INTU: variants seen among roughly 807,000 people sequenced by gnomAD.
INTU encodes inturned planar cell polarity protein.
In INTU, 68 loss-of-function variants were observed where a neutral mutation model predicts 100.5. The observed-to-expected ratio is 0.68, with a 90% CI of 0.56 to 0.83. The LOEUF is 0.83. Among genes scored for constraint, INTU ranks in the 40% least tolerant of loss-of-function variants. INTU has a pLI of 0.00. For synonymous variants in INTU, 357 were observed against 395.7 expected, an observed-to-expected ratio of 0.90 and a Z score of 1.16; for missense variants, 1,071 against 1,114.7, an observed-to-expected ratio of 0.96 and a Z score of 0.56.
intron 7 of INTU, chr4:127,685,595 A>G: frequency 2.6e-6 from 1 of 379,176 alleles, no homozygotes; most frequent in South Asian, 2.0e-5. Flanking sequence ...CTGGGCATCC[A>G]TAAATAGTGC....
At chr4:127,709,826 T>C (rs1311588420) in intron 13 of INTU, among the ~76,000 whole-genome samples, 1 of 152,146 alleles carries the variant, frequency 6.6e-6, no homozygotes, top group Non-Finnish European at 1.5e-5. Flanking sequence ...GTTAGAAAAT[T>C]CTTTTTTTCT....
chr4:127,708,824 A>C (rs1730986581), intron 13 of INTU, among the ~76,000 whole-genome samples, 156 bp downstream of exon 13: 1 of 152,230 alleles, frequency 6.6e-6, no homozygotes, highest in Non-Finnish European at 1.5e-5. Context: ...ATTTCATTAC[A>C]CATTTAGGAA....
intron 1 of INTU, among the ~76,000 whole-genome samples, chr4:127,639,223 T>C (rs535689209): frequency 7.9e-5 from 12 of 152,302 alleles, no homozygotes; most frequent in Non-Finnish European, 1.6e-4. Flanking sequence ...CAGAATATTG[T>C]ATTGTCTGCT....
intron 2 of INTU, among the ~76,000 whole-genome samples, chr4:127,647,953 A>ATT (rs72399812): frequency 3.7e-5 from 1 of 26,948 alleles, no homozygotes; most frequent in East Asian, 8.9e-4. Flanking sequence ...TTTAGTACAC[A>ATT]TGTTGTTTGA....
intron 2 of INTU, among the ~76,000 whole-genome samples, chr4:127,648,770 A>C (rs558548485): frequency 1.3e-5 from 2 of 151,406 alleles, no homozygotes; most frequent in African/African-American, 4.8e-5. Context: ...AATTTGATAT[A>C]GTACTTTTGT....
At chr4:127,673,098 A>T (rs548634562) in intron 5 of INTU, among the ~76,000 whole-genome samples, 16 of 152,336 alleles carry the variant, frequency 1.1e-4, no homozygotes, top group South Asian at 8.3e-4. Flanking sequence ...CTGGGACTAC[A>T]TCTTCCTTTC....
intron 3 of INTU, among the ~76,000 whole-genome samples, chr4:127,660,276 T>G (rs1036828136): frequency 6.6e-6 from 1 of 152,174 alleles, no homozygotes; most frequent in Non-Finnish European, 1.5e-5. Flanking sequence ...AAGTTTTGTC[T>G]TGAGTCACTC....
chr4:127,693,623 G>A (rs964606036), intron 8 of INTU, among the ~76,000 whole-genome samples: 3 of 152,060 alleles, frequency 2.0e-5, no homozygotes, highest in African/African-American at 7.2e-5. Context: ...AATAGAAGTG[G>A]TGAAAGTGGG....
intron 2 of INTU, among the ~76,000 whole-genome samples, chr4:127,651,305 T>C (rs185796529): frequency 2.0e-5 from 3 of 152,148 alleles, no homozygotes; most frequent in East Asian, 1.9e-4. Context: ...TGCCTATGTC[T>C]TGAATGGTAA....
chr4:127,682,631 G>A (rs972852834), intron 6 of INTU, among the ~76,000 whole-genome samples: 16 of 149,184 alleles, frequency 1.1e-4, no homozygotes, highest in Admixed American at 2.7e-4. Flanking sequence ...GCTTTAGGAG[G>A]TATACCTAAT....
chr4:127,682,216 A>G (rs36179490), intron 6 of INTU, among the ~76,000 whole-genome samples: 67,807 of 151,818 alleles, frequency 0.45, 15,906 homozygotes, highest in Middle Eastern at 0.66. Flanking sequence ...GGGATCTAGA[A>G]CTAGAAATAC....
chr4:127,643,602 A>T lies in INTU; in HGVS notation c.228A>T (p.Glu76Asp), dbSNP rs1560827733. The change falls in exon 2 of 16, where the codon GAA becomes GAT. Residue 76 changes from glutamate (E) to aspartate (D), a missense_variant. Glu to Asp is a conservative substitution (Grantham distance 45, BLOSUM62 2). Transcript: ENST00000335251. ...FYLELSEDEE[E>D]SLLPETPTVN... ...TGGAATTGAGTGAGGATGAAGAAGA[A>T]AGCCTCCTTCCTGAGACACCAACTG... 6.2e-7 allele frequency: 1 copy of T among 1,613,414 alleles called. No individual in the cohort carries two copies. Among genetic ancestry groups the T allele is most frequent in the Non-Finnish European group, 8.5e-7 (1 of 1,179,786 alleles).
intron 13 of INTU, 121 bp downstream of exon 13, chr4:127,708,789 G>A (rs1578636467): frequency 3.6e-6 from 2 of 551,936 alleles, no homozygotes; most frequent in South Asian, 2.6e-5. Context: ...CATATTAAAG[G>A]TAATATCTGT....
At chr4:127,692,433 G>T (rs958418904) in intron 8 of INTU, among the ~76,000 whole-genome samples, 1 of 152,040 alleles carries the variant, frequency 6.6e-6, no homozygotes, top group Admixed American at 6.6e-5. Context: ...TTTTTGATGG[G>T]ATTGTTTGTT....
At chr4:127,659,034 C>G (rs1317073067) in intron 3 of INTU, among the ~76,000 whole-genome samples, 2 of 152,110 alleles carry the variant, frequency 1.3e-5, no homozygotes, top group Non-Finnish European at 2.9e-5. Flanking sequence ...GCACAGTTCA[C>G]AACAGGTTTT....
At chr4:127,660,798 G>A (rs972633806) in intron 3 of INTU, among the ~76,000 whole-genome samples, 11 of 152,114 alleles carry the variant, frequency 7.2e-5, no homozygotes, top group Admixed American at 1.3e-4. Flanking sequence ...AAGTCTCACC[G>A]AGTAATAAGA....
At position 127,683,383 on chromosome 4, in the gene INTU, G is replaced by A. The variant is rs117842587; in HGVS notation, c.1182-1026G>A. Reference sequence around the variant, plus strand: ...TCTCATTTCACATAACTAAAAGATAGGTAGTAGTATTCTCATTTATTCAAA... The same window carrying A: ...TCTCATTTCACATAACTAAAAGATAAGTAGTAGTATTCTCATTTATTCAAA... On this transcript the variant is annotated intron_variant, in intron 6 of 15. Transcript: ENST00000335251. Among the ~76,000 whole-genome samples, 133 of 152,288 alleles carry A rather than the reference G, an allele frequency of 8.7e-4. No homozygotes were observed. In the East Asian group the frequency reaches 0.025, roughly 28 times the overall value.
intron 5 of INTU, among the ~76,000 whole-genome samples, chr4:127,671,001 A>G (rs1215694206): frequency 6.6e-6 from 1 of 152,142 alleles, no homozygotes; most frequent in Non-Finnish European, 1.5e-5. Flanking sequence ...GCCTGACACT[A>G]TAAAAATGCT....
rs1726906133 is a variant in INTU, at chr4:127,633,089, G to C, written c.55G>C (p.Asp19His). 1 of 1,613,938 alleles carries C rather than the reference G, an allele frequency of 6.2e-7. No individual in the cohort carries two copies. The highest frequency in any genetic ancestry group is 8.5e-7 in the Non-Finnish European group (1 of 1,179,922). Residue 19 changes from aspartate (D) to histidine (H), a missense_variant, in exon 1 of 16, where the codon GAC becomes CAC. Transcript: ENST00000335251. ...TCCGAGCTCAGACGAGCTCCCTGGA[G>C]ACCCCTCTTCACAAGAAGAAGATGA... ...SRPSSDELPG[D>H]PSSQEEDEDY...
Sources: allele counts gnomAD v4.1 joint callset (sites outside exome capture counted in the v4.1 genomes callset), GRCh38; gene constraint gnomAD v4.1.1; transcripts MANE v1.5; gene names NCBI Gene and HGNC (gene_info 2026-07-23, HGNC 2026-07-21).